The following MS4A6E variants were observed in gnomAD, a reference collection of about 807,000 sequenced individuals.
MS4A6E encodes membrane spanning 4-domains A6E.
In MS4A6E, 8 loss-of-function variants were observed where a neutral mutation model predicts 13.2. The observed-to-expected ratio is 0.60, with a 90% confidence interval of 0.35 to 1.09. MS4A6E has a LOEUF of 1.09. Ranked by LOEUF, MS4A6E falls within the 50% of genes least tolerant of loss-of-function variation. MS4A6E has a pLI of 0.02. For missense variants in MS4A6E, 177 were observed against 171.1 expected, an observed-to-expected ratio of 1.03 and a Z score of -0.19; for synonymous variants, 72 against 67.6, an observed-to-expected ratio of 1.06 and a Z score of -0.32.
At chr11:60,342,626 G>T (rs944490632), downstream of MS4A6E, among the ~76,000 whole-genome samples, 1 of 152,080 alleles carries the variant, frequency 6.6e-6, no homozygotes, top group African/African-American at 2.4e-5. Flanking sequence ...ATGCAGATGG[G>T]GTCTCCACCT....
Position 60,337,738 on chromosome 11 carries a change from C to T in MS4A6E, c.148-3C>T, listed in dbSNP as rs576230223. 2 of 1,614,176 alleles carry T rather than the reference C, an allele frequency of 1.2e-6. No homozygotes were observed. The highest frequency in any genetic ancestry group is 1.3e-5 in the African/African-American group (1 of 75,054). ...TGATTCTTACCCAGCATGTCTCTTT[C>T]AGGTGCATAGCAGCCTGGCTGGAAG... On this transcript the variant is annotated splice_polypyrimidine_tract_variant and splice_region_variant and intron_variant, in intron 2 of 4. Transcript: ENST00000684409.
At position 60,341,246 on chromosome 11, in the gene MS4A6E, T is replaced by G. The variant is rs1282253054; in HGVS notation, c.*480T>G. On this transcript the variant is annotated 3_prime_UTR_variant, in exon 5 of 5. Transcript: ENST00000684409. Reference sequence around the variant, plus strand: ...GGTGCTACTGATTTATCCCATGTATTTTACTCATTAGTGCATAAAGGCAAA... The same window carrying G: ...GGTGCTACTGATTTATCCCATGTATGTTACTCATTAGTGCATAAAGGCAAA... Among the ~76,000 whole-genome samples, 1 of 152,226 alleles carries G rather than the reference T, an allele frequency of 6.6e-6. No homozygotes were observed. Among genetic ancestry groups the G allele is most frequent in the African/African-American group, 2.4e-5 (1 of 41,450 alleles).
intron 3 of MS4A6E, among the ~76,000 whole-genome samples, chr11:60,339,636 A>T (rs1350770673): frequency 2.0e-5 from 3 of 152,194 alleles, no homozygotes; most frequent in Non-Finnish European, 4.4e-5. Context: ...TATGAAATGG[A>T]TTAGTTGATT....
downstream of MS4A6E, among the ~76,000 whole-genome samples, chr11:60,341,615 G>C (rs933398008): frequency 1.3e-5 from 2 of 151,780 alleles, no homozygotes; most frequent in Non-Finnish European, 2.9e-5. Flanking sequence ...ACACACACAC[G>C]TGTAAAAAAG....
intron 1 of MS4A6E, among the ~76,000 whole-genome samples, chr11:60,333,478 A>G (rs2085169638): frequency 6.6e-6 from 1 of 152,220 alleles, no homozygotes. Context: ...GAGTTCCTAG[A>G]GTACAGGGTA....
chr11:60,338,680 G>A (rs1407737910), intron 3 of MS4A6E: 5 of 152,156 alleles, frequency 3.3e-5, no homozygotes, highest in African/African-American at 1.2e-4. Flanking sequence ...TATGTGCATG[G>A]CCAGCAACGC....
chr11:60,346,051 C>G (rs2085254966), downstream of MS4A6E, among the ~76,000 whole-genome samples: 1 of 152,112 alleles, frequency 6.6e-6, no homozygotes, highest in Admixed American at 6.5e-5. Flanking sequence ...GTTTGAGCCA[C>G]TGGAGCTGGA....
intron 2 of MS4A6E, chr11:60,335,500 TTTTA>T: frequency 2.2e-6 from 1 of 446,942 alleles, no homozygotes; most frequent in Non-Finnish European, 4.5e-6. Context: ...GATATTTACC[TTTTA>T]TTTGTCTGTT....
intron 3 of MS4A6E, among the ~76,000 whole-genome samples, 180 bp downstream of exon 3, chr11:60,338,127 CAG>C (rs1186084002): frequency 2.0e-4 from 30 of 152,150 alleles, no homozygotes; most frequent in African/African-American, 7.0e-4. Flanking sequence ...TACATACTAA[CAG>C]AGTGGAATTG....
rs750898281 is a variant in MS4A6E, at chr11:60,337,730, G to A, written c.148-11G>A. ...TTTGGGAATGATTCTTACCCAGCAT[G>A]TCTCTTTCAGGTGCATAGCAGCCTG... On this transcript the variant is annotated splice_polypyrimidine_tract_variant and intron_variant, in intron 2 of 4. Coordinates refer to ENST00000684409, the MANE Select transcript of MS4A6E (RefSeq NM_139249.4). 6.2e-7 allele frequency: 1 copy of A among 1,614,108 alleles called. No individual in the cohort carries two copies. Among genetic ancestry groups the A allele is most frequent in the Non-Finnish European group, 8.5e-7 (1 of 1,180,016 alleles).
chr11:60,342,169 GTGTGTGTGTGAGAGAGAGAGAGA>G (rs2085229669), downstream of MS4A6E, among the ~76,000 whole-genome samples: 1 of 34,950 alleles, frequency 2.9e-5, no homozygotes, highest in African/African-American at 1.1e-4. Flanking sequence ...GTGTGTGTGT[GTGTGTGTGTGAGAGAGAGAGAGA>G]GAGAGAGAGG....
chr11:60,337,504 A>G (rs1165430891), intron 2 of MS4A6E, among the ~76,000 whole-genome samples: 2 of 152,008 alleles, frequency 1.3e-5, no homozygotes, highest in Non-Finnish European at 2.9e-5. Context: ...TCTCTACCAC[A>G]CTACTGAGGT....
intron 4 of MS4A6E, among the ~76,000 whole-genome samples, chr11:60,340,230 G>T (rs1289757807): frequency 6.6e-6 from 1 of 152,202 alleles, no homozygotes; most frequent in Non-Finnish European, 1.5e-5. Context: ...AAGGGAATGA[G>T]ACTCTGGGAA....
At chr11:60,333,039 G>A (rs1354154287) in intron 1 of MS4A6E, among the ~76,000 whole-genome samples, 3 of 152,184 alleles carry the variant, frequency 2.0e-5, no homozygotes, top group Non-Finnish European at 2.9e-5. Flanking sequence ...TTCATTATAG[G>A]AAGAAACTTC....
chr11:60,337,967 G>C lies in MS4A6E; in HGVS notation c.354+20G>C, dbSNP rs2085200119. On this transcript the variant is annotated intron_variant, in intron 3 of 4. Transcript: ENST00000684409. ...CTGGCTGTAAGTATTTTTTAGATGG[G>C]ATGTTCTAATTTTATGAGGTTTCTG... 1 of 1,602,072 alleles carries C rather than the reference G, an allele frequency of 6.2e-7. No individual in the cohort carries two copies. The highest frequency in any genetic ancestry group is 8.5e-7 in the Non-Finnish European group (1 of 1,170,066).
At chr11:60,335,447 C>T (rs1190953105) in intron 2 of MS4A6E, 2 of 380,716 alleles carry the variant, frequency 5.3e-6, no homozygotes, top group East Asian at 1.5e-4. Flanking sequence ...AAAAAATATA[C>T]CTCCTCTCCC....
downstream of MS4A6E, among the ~76,000 whole-genome samples, chr11:60,345,558 G>T (rs184539221): frequency 8.9e-4 from 135 of 152,246 alleles, no homozygotes; most frequent in Non-Finnish European, 1.7e-3. Context: ...TGGCTGCATT[G>T]GTTTGTATTA....
intron 2 of MS4A6E, 49 bp from the exon 3 acceptor site, chr11:60,337,692 A>G: frequency 1.2e-6 from 2 of 1,605,032 alleles, no homozygotes; most frequent in Non-Finnish European, 1.7e-6. Flanking sequence ...GGGATAAGAG[A>G]GATTCGTGGC....
chr11:60,344,264 A>G (rs1203615717), downstream of MS4A6E, among the ~76,000 whole-genome samples: 2 of 152,176 alleles, frequency 1.3e-5, no homozygotes, highest in Non-Finnish European at 2.9e-5. Flanking sequence ...TCTGTATGGC[A>G]TGAAAATGCT....
Sources: allele counts gnomAD v4.1 joint callset (sites outside exome capture counted in the v4.1 genomes callset), GRCh38; gene constraint gnomAD v4.1.1; transcripts MANE v1.5; gene names NCBI Gene and HGNC (gene_info 2026-07-23, HGNC 2026-07-21).